The following PIEZO2 variants were observed in gnomAD, a reference collection of about 807,000 sequenced individuals.
The protein encoded by PIEZO2 is piezo-type mechanosensitive ion channel component 2.
A neutral mutation model predicts 337.3 loss-of-function variants in PIEZO2; 172 were observed. The ratio of observed to expected loss-of-function variants is 0.51; its 90% confidence interval spans 0.45 to 0.58. PIEZO2 has a LOEUF of 0.58. PIEZO2 is among the 20% of genes least tolerant of loss of function. PIEZO2 has a pLI of 0.00. For missense variants in PIEZO2, 3,028 were observed against 3,391.3 expected (o/e 0.89, Z 2.66); for synonymous variants, 1,251 against 1,228.5 (o/e 1.02, Z -0.38).
At chr18:10,779,608 A>G (rs1005029351) in intron 18 of PIEZO2, among the ~76,000 whole-genome samples, 1 of 152,226 alleles carries the variant, frequency 6.6e-6, no homozygotes, top group African/African-American at 2.4e-5. Context: ...GGTGATGTAA[A>G]ATATCCCTCT....
Position 11,101,200 on chromosome 18 carries a change from C to A in PIEZO2, c.65-34978G>T, listed in dbSNP as rs2039409972. 6.6e-6 allele frequency among the ~76,000 whole-genome samples: 1 copy of A among 152,184 alleles called. No homozygotes were observed. Among genetic ancestry groups the A allele is most frequent in the Admixed American group, 6.5e-5 (1 of 15,280 alleles). ...CCATTTTGGGCTCATTCCATCTGGGCCAGCCCAAGCCCTTTACTGACCTCC... is the reference window on the plus strand; with the variant it reads ...CCATTTTGGGCTCATTCCATCTGGGACAGCCCAAGCCCTTTACTGACCTCC... On this transcript the variant is annotated intron_variant, in intron 1 of 55. Transcript: ENST00000674853. This position sits in a 1 kb window ranked among gnomAD's most constrained non-coding sequence, Gnocchi z 4.4.
chr18:10,771,830 A>G (rs922835176), intron 20 of PIEZO2, among the ~76,000 whole-genome samples: 2 of 152,176 alleles, frequency 1.3e-5, no homozygotes, highest in African/African-American at 2.4e-5. Context: ...CCCTTTGTCC[A>G]GCAGGGCCAT....
rs1387683917 is a variant in PIEZO2, at chr18:11,047,335, G to T, written c.160+18792C>A. Among the ~76,000 whole-genome samples, 1 of 152,194 alleles carries T rather than the reference G, an allele frequency of 6.6e-6. No homozygotes were observed. Among genetic ancestry groups the T allele is most frequent in the Non-Finnish European group, 1.5e-5 (1 of 68,042 alleles). ...GAGCATTCAGGAATAGCAGTGGGAT[G>T]GGGGTGGGGAGCAAGGTTGGAATGG... is the stretch of plus-strand genomic sequence containing the variant. On this transcript the variant is annotated intron_variant, in intron 2 of 55. Transcript: ENST00000674853. This position sits in a 1 kb window ranked among gnomAD's most constrained non-coding sequence, Gnocchi z 7.2.
intron 5 of PIEZO2, among the ~76,000 whole-genome samples, chr18:10,865,118 G>A (rs185041898): frequency 2.0e-5 from 3 of 152,330 alleles, no homozygotes; most frequent in Non-Finnish European, 2.9e-5. Context: ...GAGAAGGGCA[G>A]GGTGGCTACA....
intron 1 of PIEZO2, among the ~76,000 whole-genome samples, chr18:11,081,236 A>G (rs905062760): frequency 2.6e-5 from 4 of 152,184 alleles, no homozygotes; most frequent in South Asian, 2.1e-4. Flanking sequence ...CTGTTTAACC[A>G]CAGCAGACAC....
chr18:11,114,846 G>C (rs1164696029), intron 1 of PIEZO2, among the ~76,000 whole-genome samples: 1 of 151,986 alleles, frequency 6.6e-6, no homozygotes, highest in Non-Finnish European at 1.5e-5. Context: ...TAAACACACA[G>C]AAGCTCACTG....
chr18:11,031,326 G>A lies in PIEZO2; in HGVS notation c.160+34801C>T, dbSNP rs932415646. 6.1e-4 allele frequency among the ~76,000 whole-genome samples: 92 copies of A among 151,668 alleles called. No individual in the cohort carries two copies. The highest frequency in any genetic ancestry group is 2.0e-3 in the African/African-American group (82 of 41,266). On this transcript the variant is annotated intron_variant, in intron 2 of 55. Transcript: ENST00000674853. The surrounding 1 kb of genome is among the most constrained non-coding windows in gnomAD (Gnocchi z 4.7). The stretch of plus-strand genomic sequence containing the variant: ...GAATTTTTTTTTAATAAGCCCATCA[G>A]GACCTTTCATAACCTTACAGTTGTC...
Position 10,718,341 on chromosome 18 carries a change from G to A in PIEZO2, c.5030-82C>T, listed in dbSNP as rs1411943403. Reference sequence around the variant, plus strand: ...CAATGTTACTCTTCTAGATTAAAAGGAATTTTGTAATTAACTCTAGGACAT... The same window carrying A: ...CAATGTTACTCTTCTAGATTAAAAGAAATTTTGTAATTAACTCTAGGACAT... On this transcript the variant is annotated intron_variant, in intron 36 of 55. Transcript: ENST00000674853. 2.3e-5 allele frequency: 27 copies of A among 1,198,530 alleles called. No homozygotes were observed. In the South Asian group the frequency reaches 3.4e-4, roughly 15 times the overall value. The allele number at this position is 1,198,530 out of a possible 1,614,324, so 74.2% of individuals were successfully genotyped here. A position where few individuals can be genotyped will look rare whatever the true frequency, so the allele number is the denominator to read the frequency against.
Position 10,965,490 on chromosome 18 carries a change from G to C in PIEZO2, c.286+14045C>G, listed in dbSNP as rs539593525. ...TTTCTCAGGCTCAAAGCGTTCAGAG[G>C]CTTGAAATATTATGGTGCTCTTTTA... On this transcript the variant is annotated intron_variant, in intron 3 of 55. Coordinates refer to ENST00000674853, the MANE Select transcript of PIEZO2 (RefSeq NM_001378183.1). 9.2e-5 allele frequency among the ~76,000 whole-genome samples: 14 copies of C among 152,216 alleles called. No homozygotes were observed. The South Asian group carries it at 2.9e-3, about 32-fold the overall frequency.
intron 2 of PIEZO2, among the ~76,000 whole-genome samples, chr18:10,994,995 C>T (rs1430443169): frequency 2.0e-5 from 3 of 146,416 alleles, no homozygotes; most frequent in Non-Finnish European, 4.5e-5. Context: ...TTGCTTGAAC[C>T]CGGGAGGCGG....
chr18:11,000,948 A>G (rs1346611791), intron 2 of PIEZO2, among the ~76,000 whole-genome samples: 1 of 152,066 alleles, frequency 6.6e-6, no homozygotes, highest in African/African-American at 2.4e-5. Context: ...ACCCAAGCCC[A>G]CCCCCAGCAC....
chr18:10,743,262 A>T (rs1416171965), intron 31 of PIEZO2, among the ~76,000 whole-genome samples: 2 of 152,206 alleles, frequency 1.3e-5, no homozygotes, highest in East Asian at 1.9e-4. Context: ...TGGGAAAAAA[A>T]GCTGGGAAAT....
At chr18:10,684,849 T>C (rs1179956917) in intron 49 of PIEZO2, among the ~76,000 whole-genome samples, 1 of 152,196 alleles carries the variant, frequency 6.6e-6, no homozygotes, top group East Asian at 1.9e-4. Context: ...ACTCTTTCTT[T>C]TTTATTTTTT....
intron 2 of PIEZO2, among the ~76,000 whole-genome samples, chr18:11,024,130 G>A (rs529412098): frequency 3.9e-5 from 6 of 152,354 alleles, no homozygotes; most frequent in South Asian, 2.1e-4. Flanking sequence ...CCTCAAGCGC[G>A]GCCTGAGTGG....
chr18:10,797,419 T>C lies in PIEZO2; in HGVS notation c.1482A>G (p.Gln494=), dbSNP rs1568069380. The change falls in exon 12 of 56, where the codon CAA becomes CAG. Residue 494 remains glutamine, a synonymous_variant. Coordinates refer to ENST00000674853, the MANE Select transcript of PIEZO2 (RefSeq NM_001378183.1). ...AGATGTAACTTTGTTTCATAATAAA[T>C]TGGAATACGGAGACCATGGCATGAA... ...IKVHAMVSVF[Q]FIMKQSYICA... The C allele has an allele frequency of 6.5e-7, 1 of 1,537,198 alleles. No individual in the cohort carries two copies. The highest frequency in any genetic ancestry group is 2.4e-5 in the East Asian group (1 of 40,884).
In PIEZO2 at chr18:10,748,742, C is replaced by G; in HGVS notation, c.4265-112G>C. 1.0e-6 allele frequency: 1 copy of G among 957,012 alleles called. No homozygotes were observed. Among genetic ancestry groups the G allele is most frequent in the Non-Finnish European group, 1.5e-6 (1 of 676,672 alleles). The allele number at this position is 957,012 out of a possible 1,614,324, so 59.3% of individuals were successfully genotyped here. On this transcript the variant is annotated intron_variant, in intron 29 of 55. Coordinates refer to ENST00000674853, the MANE Select transcript of PIEZO2 (RefSeq NM_001378183.1). The surrounding 1 kb of genome is among the most constrained non-coding windows in gnomAD (Gnocchi z 5.1). ...GAAATATAGGCATAAAAGCAGCATT[C>G]TGATGCTCTGACTTACTTATGAGTT...
At chr18:11,076,686 TA>T (rs2038559788) in intron 1 of PIEZO2, among the ~76,000 whole-genome samples, 1 of 152,210 alleles carries the variant, frequency 6.6e-6, no homozygotes, top group Admixed American at 6.5e-5. Context: ...AGTATATATA[TA>T]ACTTCACATC....
chr18:11,135,964 T>C (rs1031831148), intron 1 of PIEZO2, among the ~76,000 whole-genome samples: 4 of 152,242 alleles, frequency 2.6e-5, no homozygotes, highest in Non-Finnish European at 5.9e-5. Context: ...AAGGATAAGA[T>C]AATATCTGAC....
rs575811658 is a variant in PIEZO2, at chr18:10,847,687, A to G, written c.917+7666T>C. Among the ~76,000 whole-genome samples the G allele has an allele frequency of 2.0e-5, 3 of 152,276 alleles. No individual in the cohort carries two copies. The highest frequency in any genetic ancestry group is 6.5e-5 in the Admixed American group (1 of 15,304). Reference sequence around the variant, plus strand: ...TTTTCCACTTATCTGTGTAAAGTCAATTTCTCTTGGGGCACCTAACTCTAC... The same window carrying G: ...TTTTCCACTTATCTGTGTAAAGTCAGTTTCTCTTGGGGCACCTAACTCTAC... On this transcript the variant is annotated intron_variant, in intron 7 of 55. Transcript: ENST00000674853. The surrounding 1 kb of genome is among the most constrained non-coding windows in gnomAD (Gnocchi z 5.7).
Sources: gnomAD v4.1 joint callset for allele counts (sites outside exome capture counted in the v4.1 genomes callset) on GRCh38, gnomAD v4.1.1 for gene constraint, Gnocchi (gnomAD v3.1) non-coding constraint, MANE v1.5 for transcripts, NCBI Gene and HGNC (gene_info 2026-07-23, HGNC 2026-07-21) for gene names.